The following SH3D19 variants were observed in gnomAD, a reference collection of about 807,000 sequenced individuals.
SH3D19 encodes the protein SH3 domain-containing protein 19.
A neutral mutation model predicts 112.1 loss-of-function variants in SH3D19; 58 were observed. The observed-to-expected ratio is 0.52, with a 90% CI of 0.42 to 0.64. The LOEUF is 0.64. Among genes scored for constraint, SH3D19 ranks in the 30% least tolerant of loss-of-function variants. The pLI is 0.00. For synonymous variants in SH3D19, 391 were observed against 448.5 expected (o/e 0.87, Z 1.62); for missense variants, 1,090 against 1,263.4 (o/e 0.86, Z 2.08).
chr4:151,212,103 C>T (rs928700073), intron 2 of SH3D19, among the ~76,000 whole-genome samples: 1 of 152,194 alleles, frequency 6.6e-6, no homozygotes. Flanking sequence ...TTGTTAGAGG[C>T]TAATGCAGCT....
At chr4:151,325,090 A>T (rs2126422482) in intron 1 of SH3D19, among the ~76,000 whole-genome samples, 151 bp downstream of exon 1, 1 of 152,304 alleles carries the variant, frequency 6.6e-6, no homozygotes, top group African/African-American at 2.4e-5. Flanking sequence ...GGCGATGGAA[A>T]TGCCACCCTC....
At chr4:151,271,829 A>G (rs1773247437) in intron 1 of SH3D19, among the ~76,000 whole-genome samples, 1 of 152,202 alleles carries the variant, frequency 6.6e-6, no homozygotes, top group South Asian at 2.1e-4. Context: ...ATAATATCTC[A>G]TTTCTTATGA....
rs183535148 is a variant in SH3D19 at position 151,229,776 on chromosome 4, G to A, written c.113-3690C>T. Among the ~76,000 whole-genome samples, 498 of 152,244 alleles carry A rather than the reference G, an allele frequency of 3.3e-3. 5 individuals are homozygous for A. Among genetic ancestry groups the A allele is most frequent in the African/African-American group, 0.011 (466 of 41,550 alleles). ...AAAAGTACAAAAAAATTAGCTGGAC[G>A]TGGTGGTGCACGCCTGTAATCCCAG... On this transcript the variant is annotated intron_variant, in intron 1 of 19. Coordinates refer to ENST00000604030, the MANE Select transcript of SH3D19 (RefSeq NM_001378122.1).
intron 7 of SH3D19, among the ~76,000 whole-genome samples, chr4:151,173,601 C>T (rs898112581): frequency 2.0e-5 from 3 of 152,166 alleles, no homozygotes; most frequent in Admixed American, 6.5e-5. Context: ...AATGTTTTTC[C>T]TTCCACCCTT....
chr4:151,302,736 G>A (rs1728556984), intron 1 of SH3D19, among the ~76,000 whole-genome samples: 1 of 152,188 alleles, frequency 6.6e-6, no homozygotes. Flanking sequence ...AGGTCATATA[G>A]CGGGCTAGTG....
At chr4:151,165,518 C>T (rs1029398468) in intron 8 of SH3D19, 71 bp downstream of exon 8, 8 of 1,175,668 alleles carry the variant, frequency 6.8e-6, no homozygotes, top group Admixed American at 2.0e-5. Context: ...CAAAAGCAGA[C>T]ATTGATAAAT....
chr4:151,159,196 A>G, intron 9 of SH3D19, 44 bp downstream of exon 9: 1 of 1,108,114 alleles, frequency 9.0e-7, no homozygotes, highest in South Asian at 1.6e-5. Context: ...AAATTAATGC[A>G]TAGCTACGTC....
chr4:151,310,977 G>A (rs1039797951), intron 1 of SH3D19, among the ~76,000 whole-genome samples: 2 of 149,184 alleles, frequency 1.3e-5, no homozygotes, highest in South Asian at 2.2e-4. Context: ...ACGAATGAAC[G>A]GATAAACAAA....
chr4:151,271,411 A>G (rs1030065733), intron 1 of SH3D19, among the ~76,000 whole-genome samples: 1 of 152,254 alleles, frequency 6.6e-6, no homozygotes, highest in African/African-American at 2.4e-5. Flanking sequence ...GGTGCTCAAA[A>G]GAAGACTGAA....
At chr4:151,312,824 C>T (rs1033778470) in intron 1 of SH3D19, among the ~76,000 whole-genome samples, 3 of 151,536 alleles carry the variant, frequency 2.0e-5, no homozygotes, top group African/African-American at 7.3e-5. Context: ...TGGTGTGAAC[C>T]CGGGAGGCGA....
chr4:151,235,438 A>T (rs1769965923), intron 1 of SH3D19, among the ~76,000 whole-genome samples: 1 of 152,212 alleles, frequency 6.6e-6, no homozygotes, highest in African/African-American at 2.4e-5. Flanking sequence ...CTGCAATTAA[A>T]AAAATTTATT....
chr4:151,153,303 A>C (rs556272622), intron 9 of SH3D19, among the ~76,000 whole-genome samples: 1 of 152,036 alleles, frequency 6.6e-6, no homozygotes, highest in East Asian at 1.9e-4. Context: ...GCTGGAGTAC[A>C]GTGGCGCGAT....
At chr4:151,226,008 A>C in intron 2 of SH3D19, 39 bp downstream of exon 2, 1 of 1,206,238 alleles carries the variant, frequency 8.3e-7, no homozygotes, top group Non-Finnish European at 1.0e-6. Flanking sequence ...TTCAAATAAG[A>C]AGCTTTATAC....
chr4:151,205,448 CA>C (rs1320390625), intron 2 of SH3D19, among the ~76,000 whole-genome samples: 7 of 152,302 alleles, frequency 4.6e-5, no homozygotes, highest in Non-Finnish European at 7.4e-5. Context: ...GGTTGTCAGA[CA>C]GAGCGTGAAC....
At chr4:151,179,504 T>A (rs543721983) in intron 3 of SH3D19, 107 bp from the exon 4 acceptor site, 21 of 487,414 alleles carry the variant, frequency 4.3e-5, no homozygotes, top group Non-Finnish European at 6.7e-5. Flanking sequence ...TGACATCATA[T>A]AGAATGTATG....
At chr4:151,150,308 CACATATATATAT>C (rs1319818220) in intron 9 of SH3D19, among the ~76,000 whole-genome samples, 5 of 138,148 alleles carry the variant, frequency 3.6e-5, no homozygotes, top group Middle Eastern at 4.0e-3. Context: ...TATATACACA[CACATATATATAT>C]ACATATATAT....
chr4:151,129,768 G>A (rs1750227006), intron 17 of SH3D19, among the ~76,000 whole-genome samples: 1 of 152,186 alleles, frequency 6.6e-6, no homozygotes, highest in African/African-American at 2.4e-5. Context: ...CTTCTCTGAG[G>A]CTCAGCTTCA....
intron 3 of SH3D19, among the ~76,000 whole-genome samples, chr4:151,183,275 A>G (rs1449038854): frequency 6.6e-6 from 1 of 152,154 alleles, no homozygotes; most frequent in East Asian, 1.9e-4. Flanking sequence ...TATAGGTGTG[A>G]GCCACAGTGC....
At chr4:151,274,222 T>C (rs932572625) in intron 1 of SH3D19, among the ~76,000 whole-genome samples, 1 of 152,216 alleles carries the variant, frequency 6.6e-6, no homozygotes, top group Non-Finnish European at 1.5e-5. Context: ...AGTGTTTGCT[T>C]AAAAAAGCAA....
Sources: gnomAD v4.1 joint callset for allele counts (sites outside exome capture counted in the v4.1 genomes callset) on GRCh38, gnomAD v4.1.1 for gene constraint, MANE v1.5 for transcripts, NCBI Gene and HGNC (gene_info 2026-07-23, HGNC 2026-07-21) for gene names.